Variants in RASSF5 observed in about 807,000 individuals in gnomAD.
The protein encoded by RASSF5 is Ras association domain family member 5.
In RASSF5, 25 loss-of-function variants were observed where a neutral mutation model predicts 40.5. The ratio of observed to expected loss-of-function variants is 0.62; its 90% CI spans 0.45 to 0.86. RASSF5 has a LOEUF of 0.86. Ranked by LOEUF, RASSF5 falls within the 40% of genes least tolerant of loss-of-function variation. The pLI is 0.00. For synonymous variants in RASSF5, 246 were observed against 252.4 expected (o/e 0.97, Z 0.24); for missense variants, 521 against 572.8 (o/e 0.91, Z 0.92).
At chr1:206,573,286 T>C (rs188103842) in intron 2 of RASSF5, among the ~76,000 whole-genome samples, 7 of 152,234 alleles carry the variant, frequency 4.6e-5, no homozygotes, top group Non-Finnish European at 7.4e-5. Context: ...CAATAAAGGA[T>C]TTTTATCCCA....
chr1:206,521,446 C>T (rs937541171), intron 1 of RASSF5, among the ~76,000 whole-genome samples: 1 of 152,184 alleles, frequency 6.6e-6, no homozygotes, highest in Non-Finnish European at 1.5e-5. Context: ...CCTGCCTGCT[C>T]CTGGCCTCCT....
chr1:206,575,680 T>C (rs1553405076), intron 2 of RASSF5, among the ~76,000 whole-genome samples: 1 of 152,178 alleles, frequency 6.6e-6, no homozygotes, highest in African/African-American at 2.4e-5. Context: ...CCCTATCTTA[T>C]GTGTAAAATC....
intron 1 of RASSF5, among the ~76,000 whole-genome samples, chr1:206,532,193 T>G (rs1281315213): frequency 6.6e-6 from 1 of 152,148 alleles, no homozygotes; most frequent in Non-Finnish European, 1.5e-5. Context: ...CCTATAGGAA[T>G]AAGGTTGGTG....
intron 1 of RASSF5, among the ~76,000 whole-genome samples, chr1:206,536,525 G>A (rs946280623): frequency 1.3e-5 from 2 of 152,058 alleles, no homozygotes. Context: ...CTTTGGGGGA[G>A]TAAGGGAAGG....
intron 1 of RASSF5, chr1:206,518,636 G>A: frequency 2.5e-6 from 1 of 395,458 alleles, no homozygotes. Flanking sequence ...GATCTTTCTG[G>A]CAGTCTGCTG....
intron 2 of RASSF5, among the ~76,000 whole-genome samples, chr1:206,577,574 A>C (rs1356790171): frequency 6.6e-6 from 1 of 152,206 alleles, no homozygotes; most frequent in Non-Finnish European, 1.5e-5. Flanking sequence ...TGGGAGTCAG[A>C]AGCCCAACAC....
intron 2 of RASSF5, among the ~76,000 whole-genome samples, chr1:206,547,951 G>A (rs1181504892): frequency 6.6e-6 from 1 of 152,046 alleles, no homozygotes; most frequent in Non-Finnish European, 1.5e-5. Context: ...TTGTGGGTGT[G>A]CTGATGATGA....
chr1:206,549,664 G>A (rs1239843010), intron 2 of RASSF5, among the ~76,000 whole-genome samples: 1 of 152,160 alleles, frequency 6.6e-6, no homozygotes, highest in Non-Finnish European at 1.5e-5. Context: ...TTACTTAGAA[G>A]TTCGATCCTT....
Position 206,563,738 on chromosome 1 carries a change from C to T in RASSF5, c.580-19531C>T, listed in dbSNP as rs186334313. ...AAATATTTGGTAATTGACTGCTTAC[C>T]CCAATTGGAATGCAAGAAGAGAATG... On this transcript the variant is annotated intron_variant, in intron 2 of 5. Transcript: ENST00000579436. 2.0e-5 allele frequency among the ~76,000 whole-genome samples: 3 copies of T among 152,218 alleles called. No individual in the cohort carries two copies. The East Asian group carries it at 5.8e-4, about 29-fold the overall frequency.
rs547027115 is a variant in RASSF5, at chr1:206,552,985, C to T, written c.579+14692C>T. On this transcript the variant is annotated intron_variant, in intron 2 of 5. Transcript: ENST00000579436. This position sits in a 1 kb window ranked among gnomAD's most constrained non-coding sequence, Gnocchi z 4.1. ...TTGGGAGGCCGAGGCAGGCAGATCA[C>T]GAGGTCAGGAGATCGAGACCATCCT... is the stretch of plus-strand genomic sequence containing the variant. Among the ~76,000 whole-genome samples the T allele has an allele frequency of 2.6e-5, 4 of 152,188 alleles. No individual in the cohort carries two copies. The highest frequency in any genetic ancestry group is 2.1e-4 in the South Asian group (1 of 4,822).
intron 1 of RASSF5, among the ~76,000 whole-genome samples, chr1:206,522,718 C>T (rs184921325): frequency 2.0e-5 from 3 of 152,162 alleles, no homozygotes; most frequent in East Asian, 3.9e-4. Context: ...ATCAACAAGC[C>T]GTACTGCATG....
chr1:206,521,806 G>A (rs1666916535), intron 1 of RASSF5, among the ~76,000 whole-genome samples: 1 of 152,130 alleles, frequency 6.6e-6, no homozygotes. Context: ...CTTCTCAGGG[G>A]CCCAGGGATG....
chr1:206,556,212 A>G (rs1161152922), intron 2 of RASSF5, among the ~76,000 whole-genome samples: 1 of 152,208 alleles, frequency 6.6e-6, no homozygotes, highest in African/African-American at 2.4e-5. Context: ...TCTGTACATG[A>G]CAGTGACTGG....
intron 1 of RASSF5, among the ~76,000 whole-genome samples, chr1:206,537,902 A>C (rs1245729577): frequency 2.6e-5 from 4 of 152,198 alleles, no homozygotes; most frequent in African/African-American, 9.6e-5. Flanking sequence ...CTGATTTTCT[A>C]TCTGTAAAAT....
At chr1:206,524,382 T>TTA (rs1667028054) in intron 1 of RASSF5, among the ~76,000 whole-genome samples, 1 of 140,820 alleles carries the variant, frequency 7.1e-6, no homozygotes, top group Non-Finnish European at 1.5e-5. Context: ...GTAATACATT[T>TTA]TATATATATT....
intron 2 of RASSF5, among the ~76,000 whole-genome samples, chr1:206,576,501 A>C (rs766658587): frequency 1.3e-5 from 2 of 152,220 alleles, no homozygotes; most frequent in African/African-American, 4.8e-5. Flanking sequence ...AATGAGAGTG[A>C]AGTTACAAAG....
chr1:206,526,964 T>C (rs782474193), intron 1 of RASSF5, among the ~76,000 whole-genome samples: 1 of 152,122 alleles, frequency 6.6e-6, no homozygotes, highest in Non-Finnish European at 1.5e-5. Flanking sequence ...GGCAACAAAT[T>C]TGCTGGCAAG....
At chr1:206,551,819 C>T (rs910032990) in intron 2 of RASSF5, among the ~76,000 whole-genome samples, 2 of 152,216 alleles carry the variant, frequency 1.3e-5, no homozygotes, top group Admixed American at 6.5e-5. Context: ...CAAGACCCTC[C>T]TTGCTAGATG....
intron 1 of RASSF5, among the ~76,000 whole-genome samples, chr1:206,521,437 C>T (rs1045869167): frequency 1.3e-5 from 2 of 152,194 alleles, no homozygotes; most frequent in Non-Finnish European, 2.9e-5. Flanking sequence ...TAGACTGAAC[C>T]TGCCTGCTCC....
Sources: gnomAD v4.1 joint callset for allele counts (sites outside exome capture counted in the v4.1 genomes callset) on GRCh38, gnomAD v4.1.1 for gene constraint, Gnocchi (gnomAD v3.1) non-coding constraint, MANE v1.5 for transcripts, NCBI Gene and HGNC (gene_info 2026-07-23, HGNC 2026-07-21) for gene names.